Variants in STS observed in about 807,000 individuals in gnomAD.
STS encodes steryl-sulfatase.
STS carries 7 observed loss-of-function variants against 26.8 expected under a neutral mutation model. The observed-to-expected ratio is 0.26, with a 90% CI of 0.15 to 0.49. STS has a LOEUF of 0.49. STS is among the 20% of genes least tolerant of loss of function. STS has a pLI of 0.98. For missense variants in STS, 434 were observed against 465.6 expected (o/e 0.93, Z 0.63); for synonymous variants, 199 against 189.4 (o/e 1.05, Z -0.42).
At chrX:7,226,986 C>T (rs1921836844) in intron 2 of STS, among the ~76,000 whole-genome samples, 1 of 111,952 alleles carries the variant, frequency 8.9e-6, no homozygotes, top group East Asian at 2.8e-4. Context: ...TTTATTTTAG[C>T]CACCGTAGGG....
intron 2 of STS, among the ~76,000 whole-genome samples, chrX:7,220,611 C>T (rs912033625): frequency 4.0e-4 from 39 of 98,038 alleles, no homozygotes; most frequent in African/African-American, 1.4e-3. Context: ...TGCAGTGGCG[C>T]GATCTCGGCT....
chrX:7,148,051 A>G lies in STS; in HGVS notation c.-166A>G. On this transcript the variant is annotated 5_prime_UTR_variant, in exon 1 of 11. Transcript: ENST00000674429. ...TGGAGGCGGCGGCTGCACACTACCC[A>G]CCCAGAAGAAGTCCGTCCATGTCAA... 1 of 1,129,943 alleles carries G rather than the reference A, an allele frequency of 8.8e-7. No homozygotes were observed. Among genetic ancestry groups the G allele is most frequent in the Non-Finnish European group, 1.2e-6 (1 of 852,039 alleles). 93.1% of individuals were successfully genotyped at this position (1,129,943 alleles called of 1,213,427 possible). A position where few individuals can be genotyped will look rare whatever the true frequency, so the allele number is the denominator to read the frequency against.
chrX:7,350,736 C>A lies in STS; in HGVS notation c.*475C>A. On this transcript the variant is annotated 3_prime_UTR_variant, in exon 11 of 11. Transcript: ENST00000674429. ...GCAATCACATAAAAAAGAGTTTAGTCGTCTAAACATAAGTAACTTTAAGGT... is the reference window on the plus strand; with the variant it reads ...GCAATCACATAAAAAAGAGTTTAGTAGTCTAAACATAAGTAACTTTAAGGT... The A allele has an allele frequency of 8.5e-6, 1 of 118,073 alleles. No individual in the cohort carries two copies. Among genetic ancestry groups the A allele is most frequent in the Admixed American group, 8.9e-5 (1 of 11,273 alleles). The allele number at this position is 118,073 out of a possible 1,213,427, so 9.7% of individuals were successfully genotyped here. A position where few individuals can be genotyped will look rare whatever the true frequency, so the allele number is the denominator to read the frequency against.
intron 1 of STS, among the ~76,000 whole-genome samples, chrX:7,177,841 TCTCA>T (rs1283459960): frequency 1.8e-5 from 2 of 109,402 alleles, no homozygotes; most frequent in African/African-American, 6.7e-5. Flanking sequence ...AAAGGCAAGG[TCTCA>T]CTCTGTTGCC....
intron 8 of STS, among the ~76,000 whole-genome samples, chrX:7,323,593 A>G (rs1300062931): frequency 8.9e-6 from 1 of 111,911 alleles, no homozygotes; most frequent in African/African-American, 3.2e-5. Flanking sequence ...CATGATGTAT[A>G]TGTGCCACAT....
intron 2 of STS, among the ~76,000 whole-genome samples, chrX:7,251,939 C>T (rs1288051493): frequency 9.0e-6 from 1 of 110,772 alleles, no homozygotes; most frequent in Non-Finnish European, 1.9e-5. Flanking sequence ...CTAACCTGGG[C>T]AACAGAGCCA....
intron 10 of STS, among the ~76,000 whole-genome samples, chrX:7,335,576 G>A (rs1423057461): frequency 1.8e-5 from 2 of 111,767 alleles, no homozygotes; most frequent in Non-Finnish European, 3.8e-5. Context: ...CACTCTGATG[G>A]TAGTTTCTTT....
intron 1 of STS, among the ~76,000 whole-genome samples, chrX:7,151,031 G>A (rs1041057497): frequency 8.9e-6 from 1 of 112,399 alleles, no homozygotes; most frequent in African/African-American, 3.2e-5. Context: ...ACTACAGTAC[G>A]ATGGCATCAA....
At chrX:7,244,710 A>T (rs891167103) in intron 2 of STS, among the ~76,000 whole-genome samples, 7 of 111,379 alleles carry the variant, frequency 6.3e-5, no homozygotes, top group Non-Finnish European at 1.1e-4. Flanking sequence ...GGTAGAGGCC[A>T]GGGATGGTGC....
At chrX:7,243,910 CA>C (rs1183209576) in intron 2 of STS, among the ~76,000 whole-genome samples, 1 of 110,983 alleles carries the variant, frequency 9.0e-6, no homozygotes, top group Non-Finnish European at 1.9e-5. Context: ...CTAACAACAA[CA>C]AAAAAAGATT....
At chrX:7,219,527 A>T in intron 2 of STS, 1 of 1,178,808 alleles carries the variant, frequency 8.5e-7, no homozygotes, top group Admixed American at 2.4e-5. Context: ...ATTGAGTAGG[A>T]TTGGCCTGCT....
At chrX:7,318,839 GAGCAGGGGTA>G (rs1167357271) in intron 8 of STS, among the ~76,000 whole-genome samples, 1 of 111,052 alleles carries the variant, frequency 9.0e-6, no homozygotes, top group African/African-American at 3.3e-5. Flanking sequence ...CATCTTACCT[GAGCAGGGGTA>G]AGCTACTTCT....
intron 1 of STS, among the ~76,000 whole-genome samples, chrX:7,162,210 G>A (rs1170260699): frequency 9.0e-6 from 1 of 111,524 alleles, no homozygotes; most frequent in African/African-American, 3.3e-5. Flanking sequence ...CTTGGCCACT[G>A]AGTCAACAAG....
chrX:7,187,093 G>C (rs1463227944), intron 1 of STS, among the ~76,000 whole-genome samples: 3 of 112,037 alleles, frequency 2.7e-5, no homozygotes. Flanking sequence ...TTTGCTAAGT[G>C]TGTCAGCCAT....
At chrX:7,250,668 G>A (rs1923097361) in intron 2 of STS, among the ~76,000 whole-genome samples, 1 of 111,865 alleles carries the variant, frequency 8.9e-6, no homozygotes, top group South Asian at 3.7e-4. Flanking sequence ...ATAATAGCAG[G>A]GTGCTTTTTA....
intron 2 of STS, among the ~76,000 whole-genome samples, chrX:7,195,960 G>T (rs1933965175): frequency 8.9e-6 from 1 of 112,404 alleles, no homozygotes; most frequent in South Asian, 3.7e-4. Flanking sequence ...AAGGTCTGTG[G>T]ATACCCTCTC....
chrX:7,152,660 T>C (rs1447645314), intron 1 of STS, among the ~76,000 whole-genome samples: 2 of 113,104 alleles, frequency 1.8e-5, no homozygotes, highest in African/African-American at 6.4e-5. Context: ...AATGTTCTTG[T>C]GTCCTGGTCT....
At chrX:7,246,402 C>T (rs373113444) in intron 2 of STS, among the ~76,000 whole-genome samples, 36 of 110,062 alleles carry the variant, frequency 3.3e-4, no homozygotes, top group South Asian at 1.2e-3. Context: ...CCCAGGTTCG[C>T]GCCATTCTCC....
intron 6 of STS, among the ~76,000 whole-genome samples, chrX:7,268,648 C>T (rs1924122447): frequency 8.9e-6 from 1 of 111,902 alleles, no homozygotes; most frequent in Admixed American, 9.5e-5. Flanking sequence ...ATCAAAGAGT[C>T]ACATTATTCA....
Sources: allele counts gnomAD v4.1 joint callset (sites outside exome capture counted in the v4.1 genomes callset), GRCh38; gene constraint gnomAD v4.1.1; transcripts MANE v1.5; gene names NCBI Gene and HGNC (gene_info 2026-07-23, HGNC 2026-07-21).